The following KIAA1217 variants were observed in gnomAD, a reference collection of about 807,000 sequenced individuals.
KIAA1217 encodes KIAA1217.
A neutral mutation model predicts 163.9 loss-of-function variants in KIAA1217; 88 were observed. The observed-to-expected ratio is 0.54, with a 90% CI of 0.45 to 0.64. The LOEUF is 0.64. KIAA1217 is among the 30% of genes least tolerant of loss of function. KIAA1217 has a pLI of 0.00. For synonymous variants in KIAA1217, 903 were observed against 923.1 expected (o/e 0.98, Z 0.39); for missense variants, 2,372 against 2,475.0 (o/e 0.96, Z 0.88).
rs182224180 is a variant in KIAA1217, at chr10:24,192,104, C to G, written c.-170-27522C>G. On this transcript the variant is annotated intron_variant, in intron 2 of 18. Transcript: ENST00000376462. Reference sequence around the variant, plus strand: ...GAGCTTTTGGGTGTTAACACAAGAGCCTTTGGAAAGGAAGATCCAAAGAAA... The same window carrying G: ...GAGCTTTTGGGTGTTAACACAAGAGGCTTTGGAAAGGAAGATCCAAAGAAA... Among the ~76,000 whole-genome samples, 15 of 152,172 alleles carry G rather than the reference C, an allele frequency of 9.9e-5. No individual in the cohort carries two copies. In the East Asian group the frequency reaches 2.7e-3, roughly 27 times the overall value.
At chr10:24,063,354 A>G (rs1302420510) in intron 2 of KIAA1217, among the ~76,000 whole-genome samples, 4 of 152,216 alleles carry the variant, frequency 2.6e-5, no homozygotes, top group South Asian at 2.1e-4. Flanking sequence ...AGTTTTCTGC[A>G]TATGGCTAGC....
At chr10:24,278,589 T>C (rs1468169318) in intron 2 of KIAA1217, among the ~76,000 whole-genome samples, 2 of 152,172 alleles carry the variant, frequency 1.3e-5, no homozygotes, top group African/African-American at 2.4e-5. Context: ...CAGTGAATAT[T>C]TGGATACCAA....
chr10:24,208,318 G>A (rs2067679952), upstream of KIAA1217, among the ~76,000 whole-genome samples: 1 of 152,004 alleles, frequency 6.6e-6, no homozygotes, highest in African/African-American at 2.4e-5. Context: ...TTAACTGGGA[G>A]AGCTTCAGAA....
At chr10:24,519,621 G>T (rs867388809) in intron 10 of KIAA1217, among the ~76,000 whole-genome samples, 1 of 152,102 alleles carries the variant, frequency 6.6e-6, no homozygotes, top group Non-Finnish European at 1.5e-5. Context: ...GCTAAACATC[G>T]TACCGTGCAG....
At chr10:24,028,379 A>G (rs1377203657) in intron 2 of KIAA1217, among the ~76,000 whole-genome samples, 2 of 152,172 alleles carry the variant, frequency 1.3e-5, no homozygotes, top group Non-Finnish European at 2.9e-5. Flanking sequence ...ACAGCATATC[A>G]GATACATACA....
chr10:24,081,234 C>G (rs1266920328), intron 2 of KIAA1217, among the ~76,000 whole-genome samples: 1 of 152,256 alleles, frequency 6.6e-6, no homozygotes, highest in Middle Eastern at 3.4e-3. Flanking sequence ...GTTTATAAAG[C>G]CTGAAGAAAA....
rs150798471 is a variant in KIAA1217 at position 23,743,866 on chromosome 10, G to A, written c.-321+48632G>A. On this transcript the variant is annotated intron_variant, in intron 1 of 18. Transcript: ENST00000376462. ...TGATGTTTGAATGTTTGGTTAATAG[G>A]ACCATGTTTTTGCGTGTTGTTTTAA... Among the ~76,000 whole-genome samples, 6 of 151,356 alleles carry A rather than the reference G, an allele frequency of 4.0e-5. No individual in the cohort carries two copies. In the East Asian group the frequency reaches 1.2e-3, roughly 29 times the overall value.
intron 2 of KIAA1217, among the ~76,000 whole-genome samples, chr10:24,335,724 T>C (rs1000617217): frequency 2.0e-5 from 3 of 151,178 alleles, no homozygotes; most frequent in African/African-American, 7.3e-5. Flanking sequence ...ATCCTCCTGC[T>C]TCAGCCTCTC....
intron 1 of KIAA1217, among the ~76,000 whole-genome samples, chr10:23,810,730 C>G (rs1836976709): frequency 1.6e-5 from 2 of 124,256 alleles, no homozygotes; most frequent in Non-Finnish European, 1.6e-5. Context: ...ATACAGTATA[C>G]TATATTATAT....
rs149449000 is a variant in KIAA1217, at chr10:24,002,883, A to G, written c.-320-4342A>G. Reference sequence around the variant, plus strand: ...ATTCTCATTGTTTAGCTCCGAAGTTATAAGTGAGAGCATATGCTACTTGAT... The same window carrying G: ...ATTCTCATTGTTTAGCTCCGAAGTTGTAAGTGAGAGCATATGCTACTTGAT... On this transcript the variant is annotated intron_variant, in intron 1 of 18. Coordinates refer to the KIAA1217 transcript ENST00000376462. Among the ~76,000 whole-genome samples the G allele has an allele frequency of 2.5e-3, 386 of 152,286 alleles. 1 individual carries two copies. Among genetic ancestry groups the G allele is most frequent in the African/African-American group, 9.1e-3 (379 of 41,558 alleles).
intron 1 of KIAA1217, among the ~76,000 whole-genome samples, chr10:23,820,044 C>G (rs1389422432): frequency 6.6e-6 from 1 of 152,134 alleles, no homozygotes; most frequent in Non-Finnish European, 1.5e-5. Context: ...TGCACAAATA[C>G]AGAGTATCTG....
intron 3 of KIAA1217, among the ~76,000 whole-genome samples, chr10:24,410,897 G>T (rs950337787): frequency 1.3e-5 from 2 of 152,076 alleles, no homozygotes; most frequent in African/African-American, 4.8e-5. Context: ...AAAATAATCT[G>T]TTTCTCACAG....
intron 2 of KIAA1217, among the ~76,000 whole-genome samples, chr10:24,311,801 A>G (rs962478951): frequency 6.6e-6 from 1 of 152,140 alleles, no homozygotes; most frequent in Non-Finnish European, 1.5e-5. Context: ...TCTGCGGGTG[A>G]AAAAGAAGTG....
At chr10:23,764,478 A>G (rs1834415178) in intron 1 of KIAA1217, among the ~76,000 whole-genome samples, 1 of 152,210 alleles carries the variant, frequency 6.6e-6, no homozygotes, top group Non-Finnish European at 1.5e-5. Context: ...TCATTCTACT[A>G]TAAAGACACA....
chr10:23,848,692 A>G (rs117833731), intron 1 of KIAA1217, among the ~76,000 whole-genome samples: 66 of 152,156 alleles, frequency 4.3e-4, no homozygotes, highest in Non-Finnish European at 7.9e-4. Flanking sequence ...CTCATCCCAC[A>G]TATCCAAGCA....
chr10:23,706,681 C>T (rs1269764864), intron 1 of KIAA1217, among the ~76,000 whole-genome samples: 4 of 152,040 alleles, frequency 2.6e-5, no homozygotes, highest in Non-Finnish European at 5.9e-5. Context: ...GAATTTTTGT[C>T]TATATTCATA....
At chr10:24,355,321 C>A (rs893838742) in intron 2 of KIAA1217, among the ~76,000 whole-genome samples, 1 of 152,182 alleles carries the variant, frequency 6.6e-6, no homozygotes, top group Non-Finnish European at 1.5e-5. Context: ...CCAATACCAT[C>A]GACTTGGGGG....
chr10:24,467,048 G>T lies in KIAA1217; in HGVS notation c.847-6180G>T, dbSNP rs1464023531. Among the ~76,000 whole-genome samples, 7 of 149,372 alleles carry T rather than the reference G, an allele frequency of 4.7e-5. No homozygotes were observed. In the East Asian group the frequency reaches 1.2e-3, roughly 25 times the overall value. On this transcript the variant is annotated intron_variant, in intron 5 of 20. Transcript: ENST00000376454. ...TTTAAACAAATATTTTTTATACTAG[G>T]TTTTTTTTTTCTGGAAACAATTTTA...
chr10:24,187,181 C>A (rs1002486582), intron 2 of KIAA1217, among the ~76,000 whole-genome samples: 1 of 152,152 alleles, frequency 6.6e-6, no homozygotes, highest in Non-Finnish European at 1.5e-5. Context: ...ATCTTTGACT[C>A]AATTTTTCCT....
Sources: gnomAD v4.1 joint callset for allele counts (sites outside exome capture counted in the v4.1 genomes callset) on GRCh38, gnomAD v4.1.1 for gene constraint, MANE v1.5 for transcripts, NCBI Gene and HGNC (gene_info 2026-07-23, HGNC 2026-07-21) for gene names.